LRRC37A2: variants seen among roughly 807,000 people sequenced by gnomAD.
LRRC37A2 encodes leucine-rich repeat-containing protein 37A2.
In LRRC37A2, 9 loss-of-function variants were observed where a neutral mutation model predicts 68.8. The ratio of observed to expected loss-of-function variants is 0.13; its 90% CI spans 0.08 to 0.23. The LOEUF is 0.23. LRRC37A2 is among the 10% of genes least tolerant of loss of function. The probability of loss-of-function intolerance (pLI) is 1.00; values close to 1 mark genes in which losing one functional copy is unlikely to be tolerated. For missense variants in LRRC37A2, 168 were observed against 950.4 expected, an observed-to-expected ratio of 0.18 and a Z score of 10.82; for synonymous variants, 63 against 367.6, an observed-to-expected ratio of 0.17 and a Z score of 9.48.
the LRRC37A2 span, chr17:46,830,704 G>A: frequency 2.5e-6 from 1 of 398,608 alleles, no homozygotes. Context: ...GCATTTTGAT[G>A]GCTAGTGGTG....
the LRRC37A2 span, among the ~76,000 whole-genome samples, chr17:46,679,775 T>C: frequency 6.6e-6 from 1 of 151,994 alleles, no homozygotes; most frequent in African/African-American, 2.4e-5. Flanking sequence ...GCCCAAACTT[T>C]TCCAAAGCAT....
At chr17:46,860,708 T>A in the LRRC37A2 span, among the ~76,000 whole-genome samples, 6 of 152,190 alleles carry the variant, frequency 3.9e-5, no homozygotes, top group Non-Finnish European at 7.3e-5. Flanking sequence ...ATCTGTTCCT[T>A]CTTCTCTGTG....
At chr17:46,773,534 G>T in the LRRC37A2 span, 1 of 1,051,814 alleles carries the variant, frequency 9.5e-7, no homozygotes, top group Non-Finnish European at 1.4e-6. Flanking sequence ...TGGCAGTCAT[G>T]CAACCAAATT....
At chr17:46,925,296 G>A in the LRRC37A2 span, among the ~76,000 whole-genome samples, 1 of 152,332 alleles carries the variant, frequency 6.6e-6, no homozygotes, top group East Asian at 1.9e-4. Flanking sequence ...CAGTGGGCCA[G>A]CTTTGCCCCA....
At chr17:47,027,918 C>T in the LRRC37A2 span, among the ~76,000 whole-genome samples, 3 of 152,190 alleles carry the variant, frequency 2.0e-5, no homozygotes, top group African/African-American at 4.8e-5. Flanking sequence ...CTCCTGGCAT[C>T]TGGTGGGCAA....
the LRRC37A2 span, chr17:46,936,955 G>GT: frequency 4.2e-5 from 12 of 284,112 alleles, no homozygotes; most frequent in African/African-American, 4.8e-5. Context: ...GCTCATTAAT[G>GT]TGTATTTATT....
the LRRC37A2 span, among the ~76,000 whole-genome samples, chr17:46,982,997 C>T: frequency 6.6e-6 from 1 of 152,164 alleles, no homozygotes; most frequent in Non-Finnish European, 1.5e-5. Context: ...GTTAGGGGAG[C>T]ATATTTGGCT....
the LRRC37A2 span, among the ~76,000 whole-genome samples, chr17:46,805,536 G>C: frequency 6.6e-6 from 1 of 152,156 alleles, no homozygotes. Context: ...TCTTGCAATT[G>C]CACTGCAGCC....
chr17:46,879,859 A>C, the LRRC37A2 span, among the ~76,000 whole-genome samples: 1 of 152,180 alleles, frequency 6.6e-6, no homozygotes, highest in East Asian at 1.9e-4. Context: ...CCCATGTCTC[A>C]GGGGCTTTGG....
the LRRC37A2 span, chr17:47,017,277 C>T: frequency 1.2e-6 from 2 of 1,610,390 alleles, no homozygotes; most frequent in Non-Finnish European, 1.7e-6. Flanking sequence ...TATGTGGCAA[C>T]TATTGTGGCT....
the LRRC37A2 span, among the ~76,000 whole-genome samples, chr17:46,873,612 A>G: frequency 6.6e-6 from 1 of 152,124 alleles, no homozygotes; most frequent in Non-Finnish European, 1.5e-5. Flanking sequence ...TAATCCTAGC[A>G]CTTTGGGAGG....
the LRRC37A2 span, among the ~76,000 whole-genome samples, chr17:47,012,424 A>G: frequency 6.6e-6 from 1 of 152,204 alleles, no homozygotes; most frequent in South Asian, 2.1e-4. Flanking sequence ...GCTTCAAAGA[A>G]CACCACCAAG....
the LRRC37A2 span, chr17:46,929,522 A>G: frequency 2.0e-6 from 3 of 1,523,848 alleles, no homozygotes; most frequent in East Asian, 2.2e-5. Flanking sequence ...TTTGATAGGC[A>G]GGTCCACGAG....
the LRRC37A2 span, among the ~76,000 whole-genome samples, chr17:46,787,957 G>GA: frequency 3.2e-3 from 311 of 98,424 alleles, 2 homozygotes; most frequent in South Asian, 0.014. Flanking sequence ...CTCTGCCTCA[G>GA]AAAAAAAAAA....
the LRRC37A2 span, among the ~76,000 whole-genome samples, chr17:46,816,609 T>C: frequency 2.9e-3 from 443 of 152,262 alleles, 15 homozygotes; most frequent in East Asian, 0.073. Flanking sequence ...GCCAATGTCT[T>C]GACCTTCCAG....
chr17:46,489,417 A>G, the LRRC37A2 span, among the ~76,000 whole-genome samples: 1 of 107,380 alleles, frequency 9.3e-6, no homozygotes, highest in African/African-American at 3.3e-5. Context: ...GGATCTCAGC[A>G]TCTGTTTGTT....
the LRRC37A2 span, among the ~76,000 whole-genome samples, chr17:46,982,212 T>G: frequency 1.3e-5 from 2 of 152,240 alleles, no homozygotes. Flanking sequence ...TTCTGTCCTC[T>G]GCTTTGGCCC....
At chr17:46,956,059 C>T in the LRRC37A2 span, among the ~76,000 whole-genome samples, 5 of 152,238 alleles carry the variant, frequency 3.3e-5, no homozygotes, top group South Asian at 1.0e-3. Context: ...GGAGTCTGAA[C>T]CCCATAGAGA....
chr17:46,548,767 G>C, exon 10 of LRRC37A2: 1 of 1,611,372 alleles, frequency 6.2e-7, no homozygotes, highest in Non-Finnish European at 8.5e-7. Flanking sequence ...CGGGAGTCCA[G>C]CCCCAAGGGA....
Sources: allele counts gnomAD v4.1 joint callset (sites outside exome capture counted in the v4.1 genomes callset), GRCh38; gene constraint gnomAD v4.1.1; transcripts MANE v1.5; gene names NCBI Gene and HGNC (gene_info 2026-07-23, HGNC 2026-07-21).